The following GPHN variants were observed in gnomAD, a reference collection of about 807,000 sequenced individuals.
GPHN encodes the protein gephyrin.
Under a neutral mutation model 95.5 loss-of-function variants are expected in GPHN, and 17 were observed. That is an observed-to-expected ratio of 0.18 (90% CI 0.12 to 0.27). GPHN has a LOEUF of 0.27. Among genes scored for constraint, GPHN ranks in the 10% least tolerant of loss-of-function variants. The pLI, the probability that GPHN is intolerant of heterozygous loss-of-function variation, is 1.00. For missense variants in GPHN, 660 were observed against 978.1 expected, an observed-to-expected ratio of 0.67 and a Z score of 4.34; for synonymous variants, 320 against 322.5, an observed-to-expected ratio of 0.99 and a Z score of 0.08.
intron 2 of GPHN, among the ~76,000 whole-genome samples, chr14:66,752,035 A>G (rs1050149745): frequency 3.3e-5 from 5 of 152,124 alleles, no homozygotes; most frequent in Admixed American, 3.3e-4. Context: ...TTTTTGTTAC[A>G]GATATAGCTT....
chr14:66,883,783 G>C (rs1596270403), intron 5 of GPHN, among the ~76,000 whole-genome samples: 1 of 152,076 alleles, frequency 6.6e-6, no homozygotes, highest in Admixed American at 6.6e-5. Context: ...TTAGGAGTTA[G>C]TTTGAGACTT....
At chr14:66,626,355 A>G (rs1455396780) in intron 1 of GPHN, among the ~76,000 whole-genome samples, 1 of 152,156 alleles carries the variant, frequency 6.6e-6, no homozygotes, top group Non-Finnish European at 1.5e-5. Flanking sequence ...ATTTGAAGCC[A>G]TAATAAACTT....
At chr14:66,785,933 A>G (rs1248331601) in intron 3 of GPHN, among the ~76,000 whole-genome samples, 1 of 152,162 alleles carries the variant, frequency 6.6e-6, no homozygotes, top group African/African-American at 2.4e-5. Flanking sequence ...TATGCAAAGC[A>G]GACATTAAGA....
intron 8 of GPHN, among the ~76,000 whole-genome samples, chr14:66,964,767 A>T (rs1014588175): frequency 5.3e-5 from 8 of 152,206 alleles, no homozygotes; most frequent in Non-Finnish European, 8.8e-5. Context: ...GCTGGAAGCC[A>T]GGGCAGAAAA....
the GPHN span, among the ~76,000 whole-genome samples, chr14:67,211,296 T>C: frequency 2.3e-4 from 35 of 152,192 alleles, no homozygotes; most frequent in African/African-American, 7.9e-4. Flanking sequence ...GAAGATAGGT[T>C]CAAGCAAACT....
intron 18 of GPHN, among the ~76,000 whole-genome samples, chr14:67,154,331 C>T (rs1361415431): frequency 6.6e-6 from 1 of 152,202 alleles, no homozygotes; most frequent in East Asian, 1.9e-4. Flanking sequence ...TCCCCACACC[C>T]TCATCATTTT....
chr14:67,225,494 C>A, the GPHN span, among the ~76,000 whole-genome samples: 3 of 152,292 alleles, frequency 2.0e-5, no homozygotes, highest in Non-Finnish European at 2.9e-5. Context: ...TCAGGTGAGG[C>A]ACTGGAAGAG....
intron 10 of GPHN, among the ~76,000 whole-genome samples, chr14:67,047,362 G>GTGTTTTTT (rs1402859810): frequency 7.6e-6 from 1 of 130,754 alleles, no homozygotes; most frequent in African/African-American, 2.8e-5. Flanking sequence ...GTGTGTGTGT[G>GTGTTTTTT]TTTGTTTTTT....
chr14:66,606,969 A>T (rs2062564178), intron 1 of GPHN, among the ~76,000 whole-genome samples: 1 of 152,180 alleles, frequency 6.6e-6, no homozygotes, highest in Non-Finnish European at 1.5e-5. Context: ...TAGCACTTTC[A>T]GTACTATGTT....
At chr14:67,652,946 C>G in the GPHN span, among the ~76,000 whole-genome samples, 1 of 152,114 alleles carries the variant, frequency 6.6e-6, no homozygotes, top group South Asian at 2.1e-4. Flanking sequence ...CCCGCCACTA[C>G]GCCTGGCTAA....
In GPHN at chr14:67,181,514, A is replaced by C; in HGVS notation, c.*577A>C. The C allele has an allele frequency of 1.9e-6, 1 of 513,904 alleles. No homozygotes were observed. Among genetic ancestry groups the C allele is most frequent in the Non-Finnish European group, 3.8e-6 (1 of 263,130 alleles). The allele number at this position is 513,904 out of a possible 1,614,324, so 31.8% of individuals were successfully genotyped here. A position where few individuals can be genotyped will look rare whatever the true frequency, so the allele number is the denominator to read the frequency against. On this transcript the variant is annotated 3_prime_UTR_variant, in exon 23 of 23. Transcript: ENST00000478722. ...GGAGGTTTCTCGCCCCAATAGCCTCACGGCACAGTACTCTTGGGCAGTAAC... is the reference window on the plus strand; with the variant it reads ...GGAGGTTTCTCGCCCCAATAGCCTCCCGGCACAGTACTCTTGGGCAGTAAC...
intron 4 of GPHN, among the ~76,000 whole-genome samples, chr14:66,831,803 T>C (rs1431688767): frequency 2.0e-5 from 3 of 152,198 alleles, no homozygotes; most frequent in Non-Finnish European, 4.4e-5. Context: ...TAGCAATTAC[T>C]GTGTGCAAAT....
intron 17 of GPHN, among the ~76,000 whole-genome samples, chr14:67,128,377 C>T (rs2079470829): frequency 6.6e-6 from 1 of 152,108 alleles, no homozygotes; most frequent in Non-Finnish European, 1.5e-5. Flanking sequence ...CTGTCTCAGC[C>T]TCCCGAGTAG....
chr14:67,452,458 C>G, the GPHN span, among the ~76,000 whole-genome samples: 2 of 152,006 alleles, frequency 1.3e-5, no homozygotes, highest in East Asian at 3.9e-4. Flanking sequence ...CCATATGGAA[C>G]TGTAAGTCAT....
chr14:67,459,741 C>G, the GPHN span, among the ~76,000 whole-genome samples: 1 of 152,178 alleles, frequency 6.6e-6, no homozygotes, highest in African/African-American at 2.4e-5. Context: ...CTCAATAAAC[C>G]CTAATTGATT....
chr14:66,704,863 A>G (rs747987405), intron 2 of GPHN, among the ~76,000 whole-genome samples: 1 of 152,204 alleles, frequency 6.6e-6, no homozygotes, highest in African/African-American at 2.4e-5. Flanking sequence ...CAAAAAAATC[A>G]GTTAATCCAG....
the GPHN span, among the ~76,000 whole-genome samples, chr14:67,502,508 A>C: frequency 1.4e-5 from 2 of 141,938 alleles, no homozygotes; most frequent in Non-Finnish European, 3.0e-5. Flanking sequence ...GCTAGAGTGC[A>C]ATGGCATGAT....
intron 1 of GPHN, among the ~76,000 whole-genome samples, chr14:66,624,431 G>A (rs2063440057): frequency 6.6e-6 from 1 of 152,164 alleles, no homozygotes; most frequent in Non-Finnish European, 1.5e-5. Flanking sequence ...AAGCCCTTGG[G>A]CTGATTTCAT....
chr14:66,856,925 A>T (rs904641805), intron 4 of GPHN, among the ~76,000 whole-genome samples: 1 of 152,138 alleles, frequency 6.6e-6, no homozygotes, highest in Admixed American at 6.5e-5. Flanking sequence ...CCTTCTAAGG[A>T]TACATAGTAA....
Sources: gnomAD v4.1 joint callset for allele counts (sites outside exome capture counted in the v4.1 genomes callset) on GRCh38, gnomAD v4.1.1 for gene constraint, MANE v1.5 for transcripts, NCBI Gene and HGNC (gene_info 2026-07-23, HGNC 2026-07-21) for gene names.